The following SORCS3 variants were observed in gnomAD, a reference collection of about 807,000 sequenced individuals.
SORCS3 encodes the protein sortilin related VPS10 domain containing receptor 3.
A neutral mutation model predicts 146.3 loss-of-function variants in SORCS3; 57 were observed. The ratio of observed to expected loss-of-function variants is 0.39; its 90% CI spans 0.31 to 0.49. The LOEUF is 0.49. Ranked by LOEUF, SORCS3 falls within the 20% of genes least tolerant of loss-of-function variation. The pLI, the probability that SORCS3 is intolerant of heterozygous loss-of-function variation, is 0.92. For missense variants in SORCS3, 1,341 were observed against 1,575.5 expected, an observed-to-expected ratio of 0.85 and a Z score of 2.52; for synonymous variants, 653 against 618.5, an observed-to-expected ratio of 1.06 and a Z score of -0.83.
At chr10:104,978,038 A>T (rs918144467) in intron 4 of SORCS3, among the ~76,000 whole-genome samples, 2 of 152,126 alleles carry the variant, frequency 1.3e-5, no homozygotes, top group Non-Finnish European at 2.9e-5. Flanking sequence ...CATTTTTAAA[A>T]TGACTTTCTT....
chr10:105,002,273 A>G (rs1242983267), intron 4 of SORCS3, among the ~76,000 whole-genome samples: 1 of 152,156 alleles, frequency 6.6e-6, no homozygotes, highest in African/African-American at 2.4e-5. Flanking sequence ...CTTCATATGA[A>G]GCCGTTTCTC....
intron 4 of SORCS3, among the ~76,000 whole-genome samples, chr10:105,031,950 T>C (rs1340968482): frequency 2.1e-4 from 32 of 152,286 alleles, no homozygotes; most frequent in Non-Finnish European, 1.0e-4. Context: ...CCCAGCACTT[T>C]GGAAGGCCGA....
At chr10:104,742,870 C>T (rs1045241141) in intron 1 of SORCS3, among the ~76,000 whole-genome samples, 6 of 152,066 alleles carry the variant, frequency 3.9e-5, no homozygotes, top group Non-Finnish European at 5.9e-5. Context: ...GCTGAGACTC[C>T]GTAAGACTGG....
chr10:104,906,117 T>G (rs1436798007), intron 2 of SORCS3, among the ~76,000 whole-genome samples: 1 of 152,216 alleles, frequency 6.6e-6, no homozygotes, highest in Admixed American at 6.5e-5. Flanking sequence ...GGGCCCCGAC[T>G]GGCTCTATGT....
rs565410983 is a variant in SORCS3 at position 104,823,561 on chromosome 10, C to A, written c.628-19231C>A. Among the ~76,000 whole-genome samples the A allele has an allele frequency of 3.0e-3, 452 of 152,214 alleles. 2 individuals carry two copies. The highest frequency in any genetic ancestry group is 0.019 in the South Asian group (93 of 4,824). The stretch of plus-strand genomic sequence containing the variant: ...AGTATCCTTCTCACTAGGCTTTCTG[C>A]TTTTCATCTTCACTGATCCACCCTT... On this transcript the variant is annotated intron_variant, in intron 1 of 26. Transcript: ENST00000369701.
At chr10:105,023,350 T>C (rs187078995) in intron 4 of SORCS3, among the ~76,000 whole-genome samples, 5 of 152,298 alleles carry the variant, frequency 3.3e-5, no homozygotes, top group African/African-American at 1.2e-4. Context: ...TGGCTGCTGC[T>C]CCTGAAATTG....
intron 1 of SORCS3, among the ~76,000 whole-genome samples, chr10:104,651,126 C>T (rs1486952024): frequency 6.6e-6 from 1 of 152,112 alleles, no homozygotes; most frequent in Non-Finnish European, 1.5e-5. Flanking sequence ...ACTTGTTTTC[C>T]AGAGTGGTGG....
intron 2 of SORCS3, among the ~76,000 whole-genome samples, chr10:104,896,983 G>A (rs960967242): frequency 3.3e-5 from 5 of 152,150 alleles, no homozygotes; most frequent in African/African-American, 1.2e-4. Context: ...AGCAAGCTTA[G>A]GGCAGGTGAT....
chr10:105,168,247 C>T (rs1321086772), intron 13 of SORCS3, among the ~76,000 whole-genome samples: 1 of 152,010 alleles, frequency 6.6e-6, no homozygotes, highest in Non-Finnish European at 1.5e-5. Context: ...TTATTCCTTT[C>T]AAAGAGTAAG....
intron 3 of SORCS3, among the ~76,000 whole-genome samples, chr10:104,976,002 C>G (rs532918757): frequency 8.1e-4 from 124 of 152,172 alleles, no homozygotes; most frequent in African/African-American, 2.8e-3. Context: ...TAGGCATGGG[C>G]AAGGACTTCA....
intron 1 of SORCS3, among the ~76,000 whole-genome samples, chr10:104,715,830 G>T (rs2016469863): frequency 6.6e-6 from 1 of 152,148 alleles, no homozygotes; most frequent in Non-Finnish European, 1.5e-5. Flanking sequence ...TATTCTCCCT[G>T]ATTTCAGCCT....
At chr10:105,128,506 C>A (rs1049187475) in intron 7 of SORCS3, among the ~76,000 whole-genome samples, 3 of 152,100 alleles carry the variant, frequency 2.0e-5, no homozygotes, top group Non-Finnish European at 4.4e-5. Flanking sequence ...CTTGCCCTTT[C>A]AGGATATTTA....
At position 105,164,338 on chromosome 10, in the gene SORCS3, G is replaced by A; in HGVS notation, c.1768G>A (p.Gly590Ser). The change falls in exon 12 of 27, where the codon GGT becomes AGT. Residue 590 changes from glycine (G) to serine (S), a missense_variant. Gly to Ser is a moderately conservative substitution (Grantham distance 56). Transcript: ENST00000369701. ...CCCGGAGCTCTCATATACTGATATT[G>A]GTGTGTTCATCTCCTCCGATGGGGG... The part of the protein sequence containing the change: ...IGPELSYTDI[G>S]VFISSDGGNT... The A allele has an allele frequency of 6.2e-7, 1 of 1,613,650 alleles. No individual in the cohort carries two copies. Among genetic ancestry groups the A allele is most frequent in the African/African-American group, 1.3e-5 (1 of 74,996 alleles).
chr10:104,980,538 C>G (rs2054926178), intron 4 of SORCS3, among the ~76,000 whole-genome samples: 1 of 152,192 alleles, frequency 6.6e-6, no homozygotes, highest in Admixed American at 6.5e-5. Flanking sequence ...AGAGCCTTCT[C>G]TGATGTGCAT....
intron 1 of SORCS3, among the ~76,000 whole-genome samples, chr10:104,814,640 A>T (rs1263195307): frequency 1.3e-5 from 2 of 151,988 alleles, no homozygotes; most frequent in East Asian, 3.9e-4. Flanking sequence ...TTTCCCAGAC[A>T]CTCTCATTAT....
intron 2 of SORCS3, among the ~76,000 whole-genome samples, chr10:104,911,973 CCT>C (rs2018973728): frequency 6.6e-6 from 1 of 152,178 alleles, no homozygotes; most frequent in South Asian, 2.1e-4. Context: ...ATTACCCTCC[CCT>C]GTTAGCAATT....
intron 12 of SORCS3, among the ~76,000 whole-genome samples, chr10:105,164,721 C>A (rs1232895625): frequency 6.6e-6 from 1 of 152,110 alleles, no homozygotes; most frequent in Non-Finnish European, 1.5e-5. Flanking sequence ...GAGTTCTTGG[C>A]AAGCTGGTCT....
chr10:104,942,323 C>G (rs754275739), intron 3 of SORCS3, among the ~76,000 whole-genome samples: 1 of 151,994 alleles, frequency 6.6e-6, no homozygotes, highest in Non-Finnish European at 1.5e-5. Flanking sequence ...TAAATGTCTT[C>G]CCACCAAGAA....
intron 20 of SORCS3, among the ~76,000 whole-genome samples, chr10:105,224,211 C>T (rs1197212796): frequency 6.6e-6 from 1 of 152,140 alleles, no homozygotes; most frequent in Non-Finnish European, 1.5e-5. Context: ...GGTTTCACTA[C>T]CCTGAAAATG....
Sources: allele counts gnomAD v4.1 joint callset (sites outside exome capture counted in the v4.1 genomes callset), GRCh38; gene constraint gnomAD v4.1.1; transcripts MANE v1.5; gene names NCBI Gene and HGNC (gene_info 2026-07-23, HGNC 2026-07-21).